NEK10: variants seen among roughly 807,000 people sequenced by gnomAD.
NEK10 encodes the protein serine/threonine-protein kinase Nek10.
NEK10 carries 122 observed loss-of-function variants against 159.8 expected under a neutral mutation model. The ratio of observed to expected loss-of-function variants is 0.76; its 90% CI spans 0.66 to 0.89. The LOEUF is 0.89. NEK10 is among the 40% of genes least tolerant of loss of function. NEK10 has a pLI of 0.00. For synonymous variants in NEK10, 466 were observed against 457.1 expected (o/e 1.02, Z -0.25); for missense variants, 1,342 against 1,323.1 (o/e 1.01, Z -0.22).
chr3:27,131,366 T>C (rs928443869), intron 32 of NEK10, among the ~76,000 whole-genome samples: 4 of 152,214 alleles, frequency 2.6e-5, no homozygotes, highest in African/African-American at 4.8e-5. Flanking sequence ...GTTGATTTAG[T>C]ATTTTTGTAG....
At chr3:27,137,421 C>A (rs1302837705) in intron 31 of NEK10, among the ~76,000 whole-genome samples, 1 of 152,076 alleles carries the variant, frequency 6.6e-6, no homozygotes, top group Non-Finnish European at 1.5e-5. Flanking sequence ...ATTTAAATTT[C>A]AAAGGATATT....
At chr3:27,121,461 T>C (rs1941293622) in intron 32 of NEK10, among the ~76,000 whole-genome samples, 1 of 152,150 alleles carries the variant, frequency 6.6e-6, no homozygotes, top group African/African-American at 2.4e-5. Context: ...TGAGAGGTAA[T>C]TGAATCATGG....
chr3:27,148,307 A>G (rs1431161310), intron 30 of NEK10, among the ~76,000 whole-genome samples: 4 of 152,162 alleles, frequency 2.6e-5, no homozygotes. Context: ...AATGATTAAT[A>G]CTCCCTTATG....
intron 30 of NEK10, among the ~76,000 whole-genome samples, chr3:27,143,980 C>A (rs1006004694): frequency 6.6e-6 from 1 of 152,202 alleles, no homozygotes; most frequent in Non-Finnish European, 1.5e-5. Flanking sequence ...GAAGGGTCCA[C>A]TCAGCCAAGA....
rs77010643 is a variant in NEK10, at chr3:27,341,756, A to G, written c.362+2516T>C. 5.7e-3 allele frequency among the ~76,000 whole-genome samples: 875 copies of G among 152,286 alleles called. 5 individuals are homozygous for G. Among genetic ancestry groups the G allele is most frequent in the Non-Finnish European group, 8.9e-3 (607 of 68,006 alleles). The stretch of plus-strand genomic sequence containing the variant: ...AAGGAGGTGTCCACAAATGTGATTT[A>G]GGGAAAAGCTGGAGTTGGGGTAAGT... On this transcript the variant is annotated intron_variant, in intron 5 of 35. Transcript: ENST00000691995.
At chr3:27,111,723 AAAAAT>A (rs1197865678) in intron 35 of NEK10, among the ~76,000 whole-genome samples, 3 of 152,212 alleles carry the variant, frequency 2.0e-5, no homozygotes, top group African/African-American at 7.2e-5. Context: ...TTTTATTATT[AAAAAT>A]AAAATATTAA....
chr3:27,146,665 T>C (rs775650569), intron 30 of NEK10, among the ~76,000 whole-genome samples: 1 of 152,214 alleles, frequency 6.6e-6, no homozygotes, highest in Non-Finnish European at 1.5e-5. Context: ...AGATGAAGAA[T>C]CTTGAACTCA....
At chr3:27,122,567 A>T (rs1941464264) in intron 32 of NEK10, among the ~76,000 whole-genome samples, 1 of 152,180 alleles carries the variant, frequency 6.6e-6, no homozygotes, top group Admixed American at 6.6e-5. Flanking sequence ...AGGTGGCTAC[A>T]AATAAGCTTT....
At chr3:27,175,098 T>G (rs180778226) in intron 26 of NEK10, among the ~76,000 whole-genome samples, 22 of 152,186 alleles carry the variant, frequency 1.4e-4, no homozygotes, top group African/African-American at 5.3e-4. Flanking sequence ...TATAACCCAG[T>G]AGCGGGGGGA....
chr3:27,314,217 T>C, intron 7 of NEK10, 80 bp downstream of exon 7: 2 of 998,794 alleles, frequency 2.0e-6, no homozygotes, highest in Non-Finnish European at 3.1e-6. Context: ...AGCCACCTTC[T>C]GTCACATACC....
intron 23 of NEK10, among the ~76,000 whole-genome samples, chr3:27,232,261 C>T (rs985869476): frequency 6.6e-6 from 1 of 151,810 alleles, no homozygotes; most frequent in Non-Finnish European, 1.5e-5. Context: ...CACTGCTACA[C>T]ACCAAGAATG....
chr3:27,116,832 G>T (rs1940519525), intron 33 of NEK10, among the ~76,000 whole-genome samples: 1 of 151,490 alleles, frequency 6.6e-6, no homozygotes, highest in South Asian at 2.1e-4. Flanking sequence ...TTAATTTTAA[G>T]TTCCAGGATA....
chr3:27,260,595 T>C (rs1233408244), intron 22 of NEK10, among the ~76,000 whole-genome samples: 1 of 152,186 alleles, frequency 6.6e-6, no homozygotes, highest in Non-Finnish European at 1.5e-5. Flanking sequence ...GGATAAGCTT[T>C]TGGATGTGCT....
chr3:27,189,574 A>G (rs1948937299), intron 26 of NEK10, among the ~76,000 whole-genome samples: 1 of 152,100 alleles, frequency 6.6e-6, no homozygotes, highest in African/African-American at 2.4e-5. Flanking sequence ...ACTGCTTAAG[A>G]AAAAAAGAGT....
chr3:27,261,691 G>T (rs141530562), intron 22 of NEK10, among the ~76,000 whole-genome samples: 2,452 of 152,244 alleles, frequency 0.016, 30 homozygotes, highest in Non-Finnish European at 0.027. Flanking sequence ...GAAAAGAATG[G>T]ATATTCTGTT....
At chr3:27,279,013 T>G (rs1404211209) in intron 22 of NEK10, 1 of 670,750 alleles carries the variant, frequency 1.5e-6, no homozygotes, top group Non-Finnish European at 1.8e-6. Context: ...AAAGATAGTC[T>G]TTCAAATGGA....
intron 23 of NEK10, among the ~76,000 whole-genome samples, chr3:27,250,191 ATT>A (rs200065636): frequency 4.2e-5 from 6 of 143,444 alleles, no homozygotes; most frequent in Non-Finnish European, 1.5e-5. Context: ...TGTATTTACT[ATT>A]TTTTTTTTTT....
intron 5 of NEK10, among the ~76,000 whole-genome samples, chr3:27,343,090 G>A (rs1391194719): frequency 6.6e-6 from 1 of 152,166 alleles, no homozygotes; most frequent in Non-Finnish European, 1.5e-5. Flanking sequence ...TAGGCTTCTT[G>A]TATCATCTGA....
At chr3:27,287,647 T>C in intron 20 of NEK10, 51 bp downstream of exon 20, 2 of 1,536,314 alleles carry the variant, frequency 1.3e-6, no homozygotes, top group Non-Finnish European at 1.7e-6. Flanking sequence ...CAAAAATATA[T>C]GTGACAAAAA....
Sources: allele counts gnomAD v4.1 joint callset (sites outside exome capture counted in the v4.1 genomes callset), GRCh38; gene constraint gnomAD v4.1.1; transcripts MANE v1.5; gene names NCBI Gene and HGNC (gene_info 2026-07-23, HGNC 2026-07-21).